The following ABL1 variants were observed in gnomAD, a reference collection of about 807,000 sequenced individuals.
ABL1 encodes the protein tyrosine-protein kinase ABL1.
A neutral mutation model predicts 94.7 loss-of-function variants in ABL1; 11 were observed. That is an observed-to-expected ratio of 0.12 (90% CI 0.07 to 0.19). ABL1 has a LOEUF of 0.19. ABL1 is among the 10% of genes least tolerant of loss of function. The probability of loss-of-function intolerance (pLI) is 1.00; values close to 1 mark genes in which losing one functional copy is unlikely to be tolerated. For synonymous variants in ABL1, 656 were observed against 622.4 expected (o/e 1.05, Z -0.80); for missense variants, 1,082 against 1,489.4 (o/e 0.73, Z 4.50).
intron 1 of ABL1, among the ~76,000 whole-genome samples, chr9:130,781,578 C>A (rs1829756502): frequency 6.6e-6 from 1 of 152,176 alleles, no homozygotes; most frequent in Admixed American, 6.5e-5. Context: ...AATTGATAAT[C>A]TTTTAATAGA....
At chr9:130,727,203 T>G (rs941306837) in intron 1 of ABL1, among the ~76,000 whole-genome samples, 3 of 152,076 alleles carry the variant, frequency 2.0e-5, no homozygotes, top group Non-Finnish European at 4.4e-5. Context: ...ACTTTTTATT[T>G]TGTACTTACT....
intron 1 of ABL1, among the ~76,000 whole-genome samples, chr9:130,789,527 CA>C (rs1355294846): frequency 1.2e-5 from 1 of 86,694 alleles, no homozygotes; most frequent in African/African-American, 1.0e-4. Context: ...AAAGGACATA[CA>C]CACACACACA....
intron 1 of ABL1, among the ~76,000 whole-genome samples, chr9:130,817,046 C>A (rs941150606): frequency 6.6e-6 from 1 of 152,194 alleles, no homozygotes; most frequent in Non-Finnish European, 1.5e-5. Context: ...CCAGCCCTGG[C>A]AACTGCTGCT....
intron 1 of ABL1, among the ~76,000 whole-genome samples, chr9:130,724,252 C>T (rs7036672): frequency 0.32 from 49,173 of 152,022 alleles, 11,624 homozygotes; most frequent in African/African-American, 0.65. Context: ...TTTTCTGTTT[C>T]CCCAGCATAA....
intron 1 of ABL1, among the ~76,000 whole-genome samples, chr9:130,733,758 C>CT: frequency 6.6e-6 from 1 of 151,582 alleles, no homozygotes; most frequent in East Asian, 1.9e-4. Context: ...GCCCGGCTAA[C>CT]TTTTTGTATT....
chr9:130,752,714 T>A (rs1041208716), intron 1 of ABL1, among the ~76,000 whole-genome samples: 5 of 152,110 alleles, frequency 3.3e-5, no homozygotes, highest in African/African-American at 1.2e-4. Flanking sequence ...ATCCCAGCAC[T>A]TTGGGAGGCT....
rs182775652 is a variant in ABL1, at chr9:130,806,202, T to C, written c.137-47862T>C. On this transcript the variant is annotated intron_variant, in intron 1 of 10. Transcript: ENST00000372348. ...CTTCAATGGTAGATATCTGTCACCA[T>C]CCTTAGGAGGTAGGTCTGTGGAAGC... 9.8e-5 allele frequency among the ~76,000 whole-genome samples: 15 copies of C among 152,296 alleles called. No homozygotes were observed. The East Asian group carries it at 2.5e-3, about 25-fold the overall frequency.
At chr9:130,850,039 A>T (rs1337684887) in intron 1 of ABL1, among the ~76,000 whole-genome samples, 3 of 152,092 alleles carry the variant, frequency 2.0e-5, no homozygotes, top group Non-Finnish European at 4.4e-5. Flanking sequence ...TCCTTATAAA[A>T]CATGCCTCCA....
intron 2 of ABL1, 99 bp downstream of exon 2, chr9:130,854,336 G>C (rs1237702511): frequency 1.4e-6 from 2 of 1,381,970 alleles, no homozygotes; most frequent in Non-Finnish European, 2.0e-6. Flanking sequence ...GAGCAGCTTT[G>C]AAATCTGGAC....
At chr9:130,841,755 T>C (rs1830675804) in intron 1 of ABL1, among the ~76,000 whole-genome samples, 1 of 151,898 alleles carries the variant, frequency 6.6e-6, no homozygotes, top group African/African-American at 2.4e-5. Context: ...GAGGTTGCAG[T>C]GAGCCGCGAT....
At chr9:130,855,221 G>A in intron 3 of ABL1, 125 bp downstream of exon 3, 2 of 1,151,158 alleles carry the variant, frequency 1.7e-6, no homozygotes, top group Non-Finnish European at 2.5e-6. Context: ...TCTTTCAGGT[G>A]GGAGTCATTC....
At chr9:130,878,390 C>T (rs1831388103) in intron 7 of ABL1, 25 bp from the exon 8 acceptor site, 1 of 1,612,972 alleles carries the variant, frequency 6.2e-7, no homozygotes, top group Non-Finnish European at 8.5e-7. Context: ...TCTTGAACAG[C>T]CTTTCTCTTT....
intron 1 of ABL1, among the ~76,000 whole-genome samples, chr9:130,751,288 C>T (rs1418075544): frequency 4.0e-5 from 6 of 151,446 alleles, no homozygotes; most frequent in African/African-American, 9.7e-5. Flanking sequence ...ACTACAGGCA[C>T]GTGCCACGAC....
In ABL1 at chr9:130,763,624, C is replaced by A. The variant is rs1832144940; in HGVS notation, c.136+49169C>A. On this transcript the variant is annotated intron_variant, in intron 1 of 10. Coordinates refer to the ABL1 transcript ENST00000372348. The stretch of plus-strand genomic sequence containing the variant: ...TCACTCACAGGGCTGGCGAGCAGTG[C>A]TGGCAGTTGACAGGAGGCCACAGTT... Among the ~76,000 whole-genome samples the A allele has an allele frequency of 2.0e-5, 3 of 152,338 alleles. No individual in the cohort carries two copies. In the South Asian group the frequency reaches 6.2e-4, roughly 32 times the overall value.
At chr9:130,789,525 TACACACACAC>T (rs59537102) in intron 1 of ABL1, among the ~76,000 whole-genome samples, 3 of 148,850 alleles carry the variant, frequency 2.0e-5, no homozygotes, top group Non-Finnish European at 4.5e-5. Flanking sequence ...AAAAAGGACA[TACACACACAC>T]ACACACACAC....
chr9:130,884,160 A>T lies in ABL1; in HGVS notation c.1870A>T (p.Met624Leu). Residue 624 changes from methionine (M) to leucine (L), a missense_variant, in exon 11 of 11, where the codon ATG becomes TTG. By Grantham distance (15) the Met-to-Leu change is conservative. Transcript: ENST00000318560. The surrounding 1 kb of genome is among the most constrained non-coding windows in gnomAD (Gnocchi z 5.6). ...CAAACGCAGCAGCTCCTTCCGGGAG[A>T]TGGACGGCCAGCCGGAGCGCAGAGG... ...PPKRSSSFRE[M>L]DGQPERRGAG... 6.2e-7 allele frequency: 1 copy of T among 1,613,048 alleles called. No individual in the cohort carries two copies. Among genetic ancestry groups the T allele is most frequent in the South Asian group, 1.1e-5 (1 of 91,008 alleles).
At chr9:130,749,180 A>G (rs757435897) in intron 1 of ABL1, among the ~76,000 whole-genome samples, 3 of 152,114 alleles carry the variant, frequency 2.0e-5, no homozygotes, top group Non-Finnish European at 4.4e-5. Flanking sequence ...TTCTTTGTCA[A>G]GTTCAACACA....
intron 6 of ABL1, 110 bp downstream of exon 6, chr9:130,873,147 C>A: frequency 8.8e-7 from 1 of 1,137,248 alleles, no homozygotes; most frequent in Non-Finnish European, 1.2e-6. Flanking sequence ...CTTCTAACCT[C>A]AGTGCTGGCA....
At position 130,759,273 on chromosome 9, in the gene ABL1, C is replaced by A. The variant is rs200311216; in HGVS notation, c.136+44818C>A. Among the ~76,000 whole-genome samples, 5 of 152,176 alleles carry A rather than the reference C, an allele frequency of 3.3e-5. No homozygotes were observed. The East Asian group carries it at 5.8e-4, about 18-fold the overall frequency. On this transcript the variant is annotated intron_variant, in intron 1 of 10. Transcript: ENST00000372348. ...AAGAGGATCAGCTTCTGTGATTGAT[C>A]TCCCAACTGGTCGTTGTCAACTTCT...
Sources: allele counts gnomAD v4.1 joint callset (sites outside exome capture counted in the v4.1 genomes callset), GRCh38; gene constraint gnomAD v4.1.1; non-coding constraint Gnocchi (gnomAD v3.1); transcripts MANE v1.5; gene names NCBI Gene and HGNC (gene_info 2026-07-23, HGNC 2026-07-21).